ATRNL1: variants seen among roughly 807,000 people sequenced by gnomAD.
ATRNL1 encodes the protein attractin-like protein 1.
A neutral mutation model predicts 182.7 loss-of-function variants in ATRNL1; 95 were observed. The observed-to-expected ratio is 0.52, with a 90% CI of 0.44 to 0.62. The LOEUF (loss-of-function observed/expected upper bound fraction) is 0.62. Ranked by LOEUF, ATRNL1 falls within the 20% of genes least tolerant of loss-of-function variation. The pLI is 0.00. For synonymous variants in ATRNL1, 576 were observed against 568.3 expected (o/e 1.01, Z -0.19); for missense variants, 1,471 against 1,679.5 (o/e 0.88, Z 2.17).
chr10:115,496,684 T>A (rs971826359), intron 24 of ATRNL1, among the ~76,000 whole-genome samples: 21 of 152,188 alleles, frequency 1.4e-4, no homozygotes, highest in African/African-American at 5.1e-4. Flanking sequence ...AGTTTTTGAT[T>A]TGAGTTTTTA....
chr10:115,481,307 G>A (rs76184757), intron 24 of ATRNL1, among the ~76,000 whole-genome samples: 228 of 150,618 alleles, frequency 1.5e-3, no homozygotes, highest in African/African-American at 5.1e-3. Context: ...TTAAAAAAGA[G>A]CAAGGTGATG....
At chr10:115,097,700 C>T (rs975001262) in intron 1 of ATRNL1, among the ~76,000 whole-genome samples, 2 of 152,024 alleles carry the variant, frequency 1.3e-5, no homozygotes, top group Non-Finnish European at 2.9e-5. Flanking sequence ...CCGAGGCGGG[C>T]GGATCATGAG....
chr10:115,646,995 C>T (rs1357523483), intron 26 of ATRNL1, among the ~76,000 whole-genome samples: 2 of 143,730 alleles, frequency 1.4e-5, no homozygotes, highest in African/African-American at 5.2e-5. Context: ...TGTTCCCCAC[C>T]CTGTGTCCAA....
intron 10 of ATRNL1, among the ~76,000 whole-genome samples, chr10:115,261,871 C>G (rs1851406541): frequency 6.6e-6 from 1 of 151,846 alleles, no homozygotes; most frequent in Non-Finnish European, 1.5e-5. Flanking sequence ...TATAGCAATT[C>G]CCCATCTCTA....
At chr10:115,570,838 G>A (rs1854345337) in intron 26 of ATRNL1, among the ~76,000 whole-genome samples, 3 of 152,182 alleles carry the variant, frequency 2.0e-5, no homozygotes, top group Admixed American at 2.0e-4. Flanking sequence ...TATCCAGAGA[G>A]CTGACACTGC....
At chr10:115,752,600 T>A (rs1948478419) in intron 27 of ATRNL1, among the ~76,000 whole-genome samples, 1 of 152,042 alleles carries the variant, frequency 6.6e-6, no homozygotes, top group Non-Finnish European at 1.5e-5. Flanking sequence ...CACCAGGACA[T>A]TCATAGTCCC....
chr10:115,506,717 A>G (rs751660119), intron 24 of ATRNL1, among the ~76,000 whole-genome samples: 298 of 152,190 alleles, frequency 2.0e-3, no homozygotes, highest in Non-Finnish European at 3.6e-3. Context: ...TTGGGAGATC[A>G]GGGATTCTCT....
At chr10:115,511,249 G>A (rs1246079928) in intron 24 of ATRNL1, among the ~76,000 whole-genome samples, 2 of 151,606 alleles carry the variant, frequency 1.3e-5, no homozygotes, top group East Asian at 1.9e-4. Context: ...AGATTTCATC[G>A]TGGATCTTAG....
intron 15 of ATRNL1, among the ~76,000 whole-genome samples, chr10:115,286,685 C>T (rs1554919085): frequency 6.6e-6 from 1 of 151,882 alleles, no homozygotes; most frequent in East Asian, 1.9e-4. Flanking sequence ...TATAACTGCA[C>T]TTGGTATAGT....
intron 5 of ATRNL1, among the ~76,000 whole-genome samples, chr10:115,153,843 G>C (rs1401463364): frequency 2.0e-5 from 3 of 151,986 alleles, no homozygotes; most frequent in South Asian, 2.1e-4. Context: ...TCTGCTTTCT[G>C]TTGTGGGCAT....
At chr10:115,923,127 A>G (rs1385741408) in intron 28 of ATRNL1, among the ~76,000 whole-genome samples, 6 of 152,186 alleles carry the variant, frequency 3.9e-5, no homozygotes, top group Non-Finnish European at 8.8e-5. Context: ...AGTGTTTCTA[A>G]TGATAGTGAA....
intron 8 of ATRNL1, among the ~76,000 whole-genome samples, chr10:115,189,532 G>A (rs1554889423): frequency 6.6e-6 from 1 of 151,980 alleles, no homozygotes; most frequent in African/African-American, 2.4e-5. Context: ...GTGTGTGTTT[G>A]TGTTTTTGTT....
chr10:115,692,275 G>A (rs1301524945), intron 26 of ATRNL1, among the ~76,000 whole-genome samples: 1 of 152,088 alleles, frequency 6.6e-6, no homozygotes, highest in Non-Finnish European at 1.5e-5. Context: ...ATTGCTTTGA[G>A]GATCTAATTG....
intron 27 of ATRNL1, among the ~76,000 whole-genome samples, chr10:115,771,208 A>C (rs1256877459): frequency 6.6e-6 from 1 of 151,100 alleles, no homozygotes; most frequent in Non-Finnish European, 1.5e-5. Context: ...TACAACCAGG[A>C]CTAGAATTCA....
At chr10:115,272,068 T>TA (rs1313838386) in intron 13 of ATRNL1, among the ~76,000 whole-genome samples, 1 of 152,224 alleles carries the variant, frequency 6.6e-6, no homozygotes, top group Non-Finnish European at 1.5e-5. Flanking sequence ...GTGAGATGCT[T>TA]ACTGCCACTT....
chr10:115,472,983 A>G (rs912993774), intron 24 of ATRNL1, among the ~76,000 whole-genome samples: 1 of 151,190 alleles, frequency 6.6e-6, no homozygotes, highest in Admixed American at 6.6e-5. Flanking sequence ...GGCTTGTTGT[A>G]TGTGTTCTTT....
intron 27 of ATRNL1, among the ~76,000 whole-genome samples, chr10:115,781,736 G>A (rs1258782572): frequency 1.3e-5 from 2 of 152,100 alleles, no homozygotes; most frequent in Non-Finnish European, 2.9e-5. Flanking sequence ...TTTAATATGG[G>A]TGATGGTTAC....
intron 20 of ATRNL1, among the ~76,000 whole-genome samples, chr10:115,411,068 A>T (rs1554959804): frequency 1.3e-5 from 2 of 152,090 alleles, no homozygotes; most frequent in Non-Finnish European, 2.9e-5. Context: ...AAAATGCAAA[A>T]TTATTTAGCA....
intron 26 of ATRNL1, among the ~76,000 whole-genome samples, chr10:115,659,020 G>A (rs1031824076): frequency 6.6e-6 from 1 of 152,036 alleles, no homozygotes; most frequent in Non-Finnish European, 1.5e-5. Context: ...TCACTATCAG[G>A]AGAATAACAT....
Sources: gnomAD v4.1 joint callset for allele counts (sites outside exome capture counted in the v4.1 genomes callset) on GRCh38, gnomAD v4.1.1 for gene constraint, MANE v1.5 for transcripts, NCBI Gene and HGNC (gene_info 2026-07-23, HGNC 2026-07-21) for gene names.